Variants in CSMD1 observed in about 807,000 individuals in gnomAD.
The protein encoded by CSMD1 is CUB and Sushi multiple domains 1, also known as CUB and sushi domain-containing protein 1.
CSMD1 carries 213 observed loss-of-function variants against 417.5 expected under a neutral mutation model. That is an observed-to-expected ratio of 0.51 (90% CI 0.46 to 0.57). The LOEUF (loss-of-function observed/expected upper bound fraction) is 0.57. CSMD1 is among the 20% of genes least tolerant of loss of function. The pLI is 0.00. For synonymous variants in CSMD1, 2,862 were observed against 1,736.8 expected (o/e 1.65, Z -16.11); for missense variants, 6,923 against 4,529.7 (o/e 1.53, Z -15.17).
At chr8:3,255,522 C>A (rs945071238) in intron 26 of CSMD1, among the ~76,000 whole-genome samples, 15 of 152,202 alleles carry the variant, frequency 9.9e-5, no homozygotes, top group African/African-American at 2.7e-4. Context: ...CCACCCAGTT[C>A]GAGCTTCCCA....
intron 2 of CSMD1, among the ~76,000 whole-genome samples, chr8:4,431,369 A>G (rs1797864162): frequency 6.6e-6 from 1 of 152,194 alleles, no homozygotes; most frequent in Non-Finnish European, 1.5e-5. Context: ...AATAGTTGGG[A>G]GGAATTCATT....
chr8:3,136,021 A>C (rs984065159), intron 41 of CSMD1, among the ~76,000 whole-genome samples: 1 of 152,004 alleles, frequency 6.6e-6, no homozygotes, highest in African/African-American at 2.4e-5. Flanking sequence ...CTTCTTTCCT[A>C]AACTAGTTTC....
intron 4 of CSMD1, among the ~76,000 whole-genome samples, chr8:4,019,628 A>C (rs560291797): frequency 7.2e-4 from 110 of 152,286 alleles, no homozygotes; most frequent in African/African-American, 2.6e-3. Context: ...TTTCCTTGAA[A>C]TGCATGAGGT....
intron 10 of CSMD1, among the ~76,000 whole-genome samples, chr8:3,571,754 C>CA (rs1432057584): frequency 4.1e-5 from 1 of 24,218 alleles, no homozygotes; most frequent in African/African-American, 2.0e-4. Flanking sequence ...TGCTAAGTCT[C>CA]CGTCTGGGGC....
rs568565573 is a variant in CSMD1, at chr8:4,379,145, T to C, written c.415+40808A>G. Among the ~76,000 whole-genome samples the C allele has an allele frequency of 1.7e-4, 26 of 152,318 alleles. No homozygotes were observed. In the South Asian group the frequency reaches 5.4e-3, roughly 32 times the overall value. ...GTGAAATAACAGATATATCAGCCCC[T>C]GTAATTTGAGACACTGGAAATGGCT... On this transcript the variant is annotated intron_variant, in intron 3 of 69. Coordinates refer to ENST00000635120, the MANE Select transcript of CSMD1 (RefSeq NM_033225.6).
At chr8:3,140,004 G>C (rs1396692415) in intron 41 of CSMD1, among the ~76,000 whole-genome samples, 1 of 150,348 alleles carries the variant, frequency 6.7e-6, no homozygotes, top group African/African-American at 2.4e-5. Flanking sequence ...CCGAGTTCAA[G>C]TGATTCTCCT....
At chr8:4,754,720 G>T (rs1170795572) in intron 1 of CSMD1, among the ~76,000 whole-genome samples, 1 of 151,888 alleles carries the variant, frequency 6.6e-6, no homozygotes, top group Admixed American at 6.6e-5. Context: ...ATGGTGGTGG[G>T]CGCCTGTAGT....
At chr8:4,933,797 G>T (rs1275899780) in intron 1 of CSMD1, among the ~76,000 whole-genome samples, 1 of 152,048 alleles carries the variant, frequency 6.6e-6, no homozygotes, top group African/African-American at 2.4e-5. Context: ...CTTCTAAAGG[G>T]ACCTAGATGT....
At chr8:3,499,870 G>A (rs1477008207) in intron 10 of CSMD1, among the ~76,000 whole-genome samples, 2 of 152,058 alleles carry the variant, frequency 1.3e-5, no homozygotes, top group Non-Finnish European at 2.9e-5. Context: ...CCTGAAAATG[G>A]CACCATGCTG....
At chr8:3,946,996 G>A (rs983977832) in intron 5 of CSMD1, among the ~76,000 whole-genome samples, 1 of 152,022 alleles carries the variant, frequency 6.6e-6, no homozygotes, top group East Asian at 1.9e-4. Flanking sequence ...AAATACGTTG[G>A]ATCTCATATT....
intron 2 of CSMD1, among the ~76,000 whole-genome samples, chr8:4,518,912 G>T (rs1057356319): frequency 6.6e-6 from 1 of 152,042 alleles, no homozygotes; most frequent in African/African-American, 2.4e-5. Flanking sequence ...ATAAAATCGT[G>T]TCATGAGTTA....
chr8:3,053,700 C>A (rs547528845), intron 49 of CSMD1, among the ~76,000 whole-genome samples: 9 of 152,136 alleles, frequency 5.9e-5, no homozygotes, highest in African/African-American at 2.2e-4. Context: ...ATGTCTGATC[C>A]AGATGTATCT....
At chr8:3,471,694 TTCC>T (rs1197455474) in intron 11 of CSMD1, among the ~76,000 whole-genome samples, 2 of 142,384 alleles carry the variant, frequency 1.4e-5, no homozygotes, top group Non-Finnish European at 3.1e-5. Context: ...TCCTTCCTTC[TTCC>T]TTTCTTCTTT....
chr8:3,505,194 C>T (rs1485825794), intron 10 of CSMD1, among the ~76,000 whole-genome samples: 2 of 152,030 alleles, frequency 1.3e-5, no homozygotes, highest in African/African-American at 4.8e-5. Context: ...AAATGAGAGA[C>T]TGGGAATGTA....
chr8:3,347,774 C>T (rs895583307), intron 22 of CSMD1, among the ~76,000 whole-genome samples: 4 of 152,140 alleles, frequency 2.6e-5, no homozygotes, highest in African/African-American at 7.2e-5. Flanking sequence ...AATGTTAGAT[C>T]GAGGTTTATC....
At chr8:4,164,925 G>C (rs762584377) in intron 3 of CSMD1, among the ~76,000 whole-genome samples, 14 of 151,440 alleles carry the variant, frequency 9.2e-5, no homozygotes, top group Non-Finnish European at 2.9e-5. Flanking sequence ...TTTGATAGTA[G>C]TCCTGAAAAA....
Position 3,708,450 on chromosome 8 carries a change from G to T in CSMD1, c.973C>A (p.Leu325Met), listed in dbSNP as rs1437373756. The T allele has an allele frequency of 2.5e-6, 4 of 1,613,810 alleles. No homozygotes were observed. The highest frequency in any genetic ancestry group is 3.4e-6 in the Non-Finnish European group (4 of 1,179,864). The change falls in exon 7 of 70, where the codon CTG becomes ATG. Residue 325 changes from leucine to methionine, a missense_variant. By Grantham distance (15) the Leu-to-Met change is conservative (BLOSUM62 2). Coordinates refer to ENST00000635120, the MANE Select transcript of CSMD1 (RefSeq NM_033225.6). Reference sequence around the variant, plus strand: ...TTATGGCTTCCATCCTTGCTGGGCAGCATCTTGACTCCTCTTGACTTCAAC... The same window carrying T: ...TTATGGCTTCCATCCTTGCTGGGCATCATCTTGACTCCTCTTGACTTCAAC... ...IELKSRGVKMLPSKDGSHKNS... is the reference protein window; with the variant it reads ...IELKSRGVKMMPSKDGSHKNS...
At chr8:3,843,076 C>G (rs547530788) in intron 5 of CSMD1, among the ~76,000 whole-genome samples, 36 of 152,216 alleles carry the variant, frequency 2.4e-4, no homozygotes, top group African/African-American at 8.4e-4. Flanking sequence ...GTTTCTATTT[C>G]AGTATCGTTT....
chr8:4,489,077 A>G (rs942641763), intron 2 of CSMD1, among the ~76,000 whole-genome samples: 3 of 152,016 alleles, frequency 2.0e-5, no homozygotes, highest in Non-Finnish European at 4.4e-5. Context: ...CACACAGCTA[A>G]TTTTTTGTAT....
Sources: gnomAD v4.1 joint callset for allele counts (sites outside exome capture counted in the v4.1 genomes callset) on GRCh38, gnomAD v4.1.1 for gene constraint, MANE v1.5 for transcripts, NCBI Gene and HGNC (gene_info 2026-07-23, HGNC 2026-07-21) for gene names.